SPG7: variants seen among roughly 807,000 people sequenced by gnomAD.
SPG7 encodes SPG7 matrix AAA peptidase subunit, paraplegin.
A neutral mutation model predicts 81.9 loss-of-function variants in SPG7; 103 were observed. The ratio of observed to expected loss-of-function variants is 1.26; its 90% CI spans 1.07 to 1.48. SPG7 has a LOEUF of 1.48. SPG7 is among the 40% of genes most tolerant of loss of function. The pLI, the probability that SPG7 is intolerant of heterozygous loss-of-function variation, is 0.00. For missense variants in SPG7, 1,241 were observed against 1,087.3 expected (o/e 1.14, Z -1.99); for synonymous variants, 534 against 444.2 (o/e 1.20, Z -2.54).
chr16:89,553,603 A>T, intron 14 of SPG7, 191 bp from the exon 15 acceptor site: 1 of 606,240 alleles, frequency 1.6e-6, no homozygotes, highest in Non-Finnish European at 2.9e-6. Flanking sequence ...AGCATTTCGG[A>T]AAGTTTTAAG....
At chr16:89,541,999 G>A (rs1179300990) in intron 9 of SPG7, 1 of 149,262 alleles carries the variant, frequency 6.7e-6, no homozygotes, top group South Asian at 2.2e-4. Context: ...AGCGGCCCGG[G>A]GGGAGCACGT....
chr16:89,528,351 C>T (rs535930867), intron 5 of SPG7, among the ~76,000 whole-genome samples: 2 of 148,444 alleles, frequency 1.3e-5, no homozygotes, highest in South Asian at 2.1e-4. Context: ...AAGATAGCAC[C>T]ACTGCAGTCT....
Position 89,529,537 on chromosome 16 carries a change from T to A in SPG7, c.819T>A (p.Arg273=), listed in dbSNP as rs1160936722. 3.1e-6 allele frequency: 5 copies of A among 1,613,962 alleles called. No homozygotes were observed. In the East Asian group the frequency reaches 8.9e-5, roughly 29 times the overall value. The change falls in exon 6 of 17, where the codon CGT becomes CGA. Residue 273 remains arginine, a synonymous_variant. Coordinates refer to ENST00000645818, the MANE Select transcript of SPG7 (RefSeq NM_003119.4). Reference sequence around the variant, plus strand: ...TGGCCATCCTGTGGTATGTTTTCCGTCTGGCCGGGATGACTGGAAGGGAAG... The same window carrying A: ...TGGCCATCCTGTGGTATGTTTTCCGACTGGCCGGGATGACTGGAAGGGAAG... ...VGLAILWYVF[R]LAGMTGREGG...
chr16:89,534,605 T>C (rs889350132), intron 9 of SPG7, among the ~76,000 whole-genome samples: 3 of 152,262 alleles, frequency 2.0e-5, no homozygotes, highest in Non-Finnish European at 4.4e-5. Context: ...TGTGGCTGTC[T>C]GGAGTCGTGT....
intron 3 of SPG7, among the ~76,000 whole-genome samples, chr16:89,515,734 G>A (rs2058087824): frequency 1.3e-5 from 2 of 150,250 alleles, no homozygotes; most frequent in Admixed American, 1.3e-4. Flanking sequence ...TTTGAGATGG[G>A]GTCTCGCTCT....
chr16:89,546,802 G>A, intron 11 of SPG7, 42 bp downstream of exon 11: 1 of 1,379,024 alleles, frequency 7.3e-7, no homozygotes, highest in Non-Finnish European at 1.0e-6. Flanking sequence ...CACGTCCTGA[G>A]GGCAGGTGGT....
At chr16:89,529,382 C>A in intron 5 of SPG7, 95 bp from the exon 6 acceptor site, 1 of 809,022 alleles carries the variant, frequency 1.2e-6, no homozygotes, top group South Asian at 1.4e-5. Context: ...CTCGTCTCAT[C>A]TTGGAAACAT....
At chr16:89,526,559 C>CT in intron 5 of SPG7, 91 bp downstream of exon 5, 3 of 1,463,608 alleles carry the variant, frequency 2.0e-6, no homozygotes, top group Non-Finnish European at 1.9e-6. Context: ...CTCAAACTGT[C>CT]TTTGCCTATA....
At chr16:89,526,572 T>A in intron 5 of SPG7, 104 bp downstream of exon 5, 2 of 1,273,962 alleles carry the variant, frequency 1.6e-6, no homozygotes, top group Non-Finnish European at 2.3e-6. Context: ...TGCCTATAGT[T>A]AACTAGACTT....
intron 12 of SPG7, 26 bp downstream of exon 12, chr16:89,548,139 G>A (rs776301998): frequency 1.3e-6 from 2 of 1,514,668 alleles, no homozygotes; most frequent in Admixed American, 3.3e-5. Flanking sequence ...CCTGGGTGAA[G>A]GCCCTCCTTA....
At chr16:89,513,126 GA>G in intron 3 of SPG7, 89 bp downstream of exon 3, 3 of 1,527,350 alleles carry the variant, frequency 2.0e-6, no homozygotes, top group Non-Finnish European at 1.8e-6. Context: ...AACCAGTCTG[GA>G]AAATGGGGAG....
Position 89,508,446 on chromosome 16 carries a change from C to T in SPG7, c.29C>T (p.Ala10Val), listed in dbSNP as rs1392123787. The T allele has an allele frequency of 3.3e-6, 5 of 1,502,104 alleles. No homozygotes were observed. Among genetic ancestry groups the T allele is most frequent in the South Asian group, 2.5e-5 (2 of 80,726 alleles). The allele number at this position is 1,502,104 out of a possible 1,614,324, so 93.0% of individuals were successfully genotyped here. A position where few individuals can be genotyped will look rare whatever the true frequency, so the allele number is the denominator to read the frequency against. ...GCCGTGCTGCTGCTGCTGCTCCGTGCCCTCCGCCGGGGTCCAGGCCCGGGT... is the reference window on the plus strand; with the variant it reads ...GCCGTGCTGCTGCTGCTGCTCCGTGTCCTCCGCCGGGGTCCAGGCCCGGGT... MAVLLLLLR[A>V]LRRGPGPGPR... The change falls in exon 1 of 17, where the codon GCC becomes GTC. Residue 10 changes from alanine to valine, a missense_variant. Physicochemically the swap from Ala to Val is moderately conservative, Grantham distance 64 (BLOSUM62 0). Coordinates refer to ENST00000645818, the MANE Select transcript of SPG7 (RefSeq NM_003119.4).
At chr16:89,524,953 C>T (rs1224865677) in intron 4 of SPG7, among the ~76,000 whole-genome samples, 8 of 118,924 alleles carry the variant, frequency 6.7e-5, no homozygotes, top group African/African-American at 2.2e-4. Flanking sequence ...TTTTCTTTTG[C>T]TTTTTTTTTT....
chr16:89,554,311 G>A (rs938285368), intron 15 of SPG7, among the ~76,000 whole-genome samples, 175 bp from the exon 16 acceptor site: 1 of 152,206 alleles, frequency 6.6e-6, no homozygotes, highest in African/African-American at 2.4e-5. Flanking sequence ...CTGGCATGCG[G>A]AGCCCTGCTT....
chr16:89,536,917 A>G (rs1347551179), intron 9 of SPG7: 2 of 1,614,186 alleles, frequency 1.2e-6, no homozygotes, highest in South Asian at 2.2e-5. Context: ...CTGAAGATAG[A>G]GACCACCTTT....
chr16:89,548,449 T>C (rs1305752063), intron 12 of SPG7: 7 of 331,888 alleles, frequency 2.1e-5, no homozygotes, highest in Non-Finnish European at 2.9e-5. Context: ...GGGCTCAGCC[T>C]AGCCCCAGCC....
At chr16:89,556,527 A>G (rs370935970) in intron 16 of SPG7, 4 of 337,358 alleles carry the variant, frequency 1.2e-5, no homozygotes, top group African/African-American at 8.5e-5. Flanking sequence ...TTCGCCTCAG[A>G]TTCCTTCTCC....
At chr16:89,536,899 CT>C (rs746248524) in intron 9 of SPG7, 15 of 1,614,058 alleles carry the variant, frequency 9.3e-6, no homozygotes, top group Non-Finnish European at 1.3e-5. Context: ...CTGGGGTTGC[CT>C]TTTGCACTGA....
intron 13 of SPG7, among the ~76,000 whole-genome samples, chr16:89,550,932 A>G (rs1054643855): frequency 1.3e-5 from 2 of 152,208 alleles, no homozygotes; most frequent in Non-Finnish European, 2.9e-5. Flanking sequence ...GTCCACCCCA[A>G]ATGACTCCTA....
Sources: allele counts gnomAD v4.1 joint callset (sites outside exome capture counted in the v4.1 genomes callset), GRCh38; gene constraint gnomAD v4.1.1; transcripts MANE v1.5; gene names NCBI Gene and HGNC (gene_info 2026-07-23, HGNC 2026-07-21).